The following EPRS1 variants were observed in gnomAD, a reference collection of about 807,000 sequenced individuals.
The protein encoded by EPRS1 is glutamyl-prolyl-tRNA synthetase 1, also known as bifunctional glutamate/proline--tRNA ligase.
Under a neutral mutation model 188.3 loss-of-function variants are expected in EPRS1, and 107 were observed. The observed-to-expected ratio is 0.57, with a 90% CI of 0.49 to 0.67. The LOEUF is 0.67. EPRS1 is among the 30% of genes least tolerant of loss of function. The pLI, the probability that EPRS1 is intolerant of heterozygous loss-of-function variation, is 0.00. For missense variants in EPRS1, 1,577 were observed against 1,802.2 expected (o/e 0.88, Z 2.26); for synonymous variants, 596 against 593.1 (o/e 1.00, Z -0.07).
chr1:219,981,498 T>C, intron 23 of EPRS1, 41 bp from the exon 24 acceptor site: 2 of 1,327,994 alleles, frequency 1.5e-6, no homozygotes, highest in South Asian at 2.7e-5. Flanking sequence ...TTTAAGGCTT[T>C]ATTTCTCCTT....
In EPRS1 at chr1:220,030,292, T is replaced by C. The variant is rs888868401; in HGVS notation, c.623+94A>G. On this transcript the variant is annotated intron_variant, in intron 6 of 31. Coordinates refer to ENST00000366923, the MANE Select transcript of EPRS1 (RefSeq NM_004446.3). ...AATTAAAATCTTATGTTCTTCTATA[T>C]TATTAACCTATTAATACTTTAAGTA... 5.2e-6 allele frequency: 4 copies of C among 774,156 alleles called. No homozygotes were observed. In the African/African-American group the frequency reaches 7.0e-5, roughly 14 times the overall value. 48.0% of individuals were successfully genotyped at this position (774,156 alleles called of 1,614,324 possible). A position where few individuals can be genotyped will look rare whatever the true frequency, so the allele number is the denominator to read the frequency against.
chr1:220,011,038 G>C lies in EPRS1; in HGVS notation c.1513C>G (p.Pro505Ala). The stretch of plus-strand genomic sequence containing the variant: ...TTCTTCAGTAATGCAACATATCGTG[G>C]AGCCACTGGGTCAATAACCTGCAAC... ...FNKKVIDPVA[P>A]RYVALLKKEV... Residue 505 changes from proline to alanine, a missense_variant, in exon 13 of 32, where the codon CCA becomes GCA. Around this residue, in one of 3 missense-constraint regions of EPRS1, gnomAD observed 1,278 missense variants for 1,457.4 expected, o/e 0.88. Coordinates refer to ENST00000366923, the MANE Select transcript of EPRS1 (RefSeq NM_004446.3). 1 of 1,609,636 alleles carries C rather than the reference G, an allele frequency of 6.2e-7. No individual in the cohort carries two copies. The highest frequency in any genetic ancestry group is 8.5e-7 in the Non-Finnish European group (1 of 1,176,036).
Position 220,034,973 on chromosome 1 carries a change from A to G in EPRS1, c.172T>C (p.Leu58=). ...FTDVNSILRY[L]ARVATTAGLY... is the part of the protein sequence containing the mutation. ...CCAGCTGTAGTTGCAACTCTAGCCAAGTAGCGAAGTATAGAATTCACATCT... is the reference window on the plus strand; with the variant it reads ...CCAGCTGTAGTTGCAACTCTAGCCAGGTAGCGAAGTATAGAATTCACATCT... The change falls in exon 3 of 32, where the codon TTG becomes CTG. Residue 58 remains leucine (L), a synonymous_variant. Transcript: ENST00000366923. 6.2e-7 allele frequency: 1 copy of G among 1,601,724 alleles called. No homozygotes were observed. Among genetic ancestry groups the G allele is most frequent in the South Asian group, 1.1e-5 (1 of 89,326 alleles).
intron 31 of EPRS1, 27 bp from the exon 32 acceptor site, chr1:219,968,983 C>T: frequency 6.2e-7 from 1 of 1,613,402 alleles, no homozygotes; most frequent in South Asian, 1.1e-5. Context: ...ATAAGAATTC[C>T]ACTCATTTAT....
chr1:220,025,312 T>C, intron 6 of EPRS1, 54 bp from the exon 7 acceptor site: 3 of 1,415,952 alleles, frequency 2.1e-6, no homozygotes, highest in Non-Finnish European at 2.9e-6. Flanking sequence ...AACTAAATAC[T>C]TAAACTTAAC....
At chr1:219,975,836 A>C (rs1009004567) in intron 28 of EPRS1, among the ~76,000 whole-genome samples, 1 of 85,986 alleles carries the variant, frequency 1.2e-5, no homozygotes, top group African/African-American at 4.1e-5. Context: ...AAGTGTACAC[A>C]TATCTGTATG....
rs1661596147 is a variant in EPRS1, at chr1:220,011,086, A to T, written c.1495-30T>A. On this transcript the variant is annotated intron_variant, in intron 12 of 31. Transcript: ENST00000366923. ...AACAAATACATCCTCATGTTAAAAC[A>T]CTGCGATATCTTATAGAGCGCCATA... 2.4e-6 allele frequency: 3 copies of T among 1,252,512 alleles called. No individual in the cohort carries two copies. The East Asian group carries it at 7.0e-5, about 29-fold the overall frequency. The allele number at this position is 1,252,512 out of a possible 1,614,324, so 77.6% of individuals were successfully genotyped here. A position where few individuals can be genotyped will look rare whatever the true frequency, so the allele number is the denominator to read the frequency against.
At chr1:219,969,367 T>G (rs1571824689) in intron 30 of EPRS1, 1 of 467,608 alleles carries the variant, frequency 2.1e-6, no homozygotes, top group Middle Eastern at 5.8e-4. Context: ...AAGACATCTT[T>G]GCAGTACCCT....
intron 28 of EPRS1, among the ~76,000 whole-genome samples, chr1:219,974,382 G>C (rs574128357): frequency 6.3e-4 from 96 of 152,254 alleles, no homozygotes; most frequent in African/African-American, 2.3e-3. Flanking sequence ...TTTACGACTT[G>C]GGAATGTTCA....
In EPRS1 at chr1:219,987,374, G is replaced by A. The variant is rs1051540339; in HGVS notation, c.2806C>T (p.Leu936Phe). ...DQVDIAVQEL[L>F]QLKAQYKSLI... is the part of the protein sequence containing the mutation. ...GACTTGTACTGTGCCTTTAGCTGAA[G>A]GAGTTCTTGAACAGCTATATCTACT... Residue 936 changes from leucine (L) to phenylalanine (F), a missense_variant, in exon 20 of 32, where the codon CTT (leucine) becomes TTT (phenylalanine). This residue lies in a region of EPRS1 where 1,278 missense variants were observed against 1,457.4 expected (regional missense o/e 0.88). Coordinates refer to ENST00000366923, the MANE Select transcript of EPRS1 (RefSeq NM_004446.3). The A allele has an allele frequency of 1.2e-6, 2 of 1,610,822 alleles. No individual in the cohort carries two copies. Among genetic ancestry groups the A allele is most frequent in the Non-Finnish European group, 1.7e-6 (2 of 1,179,044 alleles).
chr1:219,995,914 C>T (rs138810864), intron 18 of EPRS1, among the ~76,000 whole-genome samples: 1 of 152,290 alleles, frequency 6.6e-6, no homozygotes, highest in African/African-American at 2.4e-5. Context: ...CATTTTAGAA[C>T]AAATCCCCTT....
chr1:220,034,963 A>G lies in EPRS1; in HGVS notation c.182T>C (p.Val61Ala), dbSNP rs201529225. The G allele has an allele frequency of 1.3e-5, 21 of 1,604,304 alleles. No homozygotes were observed. Among genetic ancestry groups the G allele is most frequent in the Non-Finnish European group, 1.4e-5 (16 of 1,174,968 alleles). ...VNSILRYLAR[V>A]ATTAGLYGSN... Reference sequence around the variant, plus strand: ...GCCATATAACCCAGCTGTAGTTGCAACTCTAGCCAAGTAGCGAAGTATAGA... The same window carrying G: ...GCCATATAACCCAGCTGTAGTTGCAGCTCTAGCCAAGTAGCGAAGTATAGA... Residue 61 changes from valine to alanine, a missense_variant, in exon 3 of 32, where the codon GTT becomes GCT. This residue lies in a region of EPRS1 where 1,278 missense variants were observed against 1,457.4 expected (regional missense o/e 0.88). Coordinates refer to ENST00000366923, the MANE Select transcript of EPRS1 (RefSeq NM_004446.3).
At chr1:220,030,165 A>G (rs1471217206) in intron 6 of EPRS1, among the ~76,000 whole-genome samples, 4 of 152,210 alleles carry the variant, frequency 2.6e-5, no homozygotes, top group African/African-American at 9.6e-5. Context: ...TAAAACTAAA[A>G]TGTCTCTTTT....
chr1:220,014,079 G>A (rs6703042), intron 12 of EPRS1, among the ~76,000 whole-genome samples: 122,054 of 152,158 alleles, frequency 0.8, 49,116 homozygotes, highest in East Asian at 0.93. Context: ...TGTAATCCCA[G>A]CACTTTGGTA....
In EPRS1 at chr1:219,988,737, C is replaced by A; in HGVS notation, c.2628G>T (p.Gln876His). The change falls in exon 19 of 32, where the codon CAG (glutamine) becomes CAT (histidine). Residue 876 changes from glutamine (Q) to histidine (H), a missense_variant. This residue lies in a region of EPRS1 where 1,278 missense variants were observed against 1,457.4 expected (regional missense o/e 0.88). Coordinates refer to ENST00000366923, the MANE Select transcript of EPRS1 (RefSeq NM_004446.3). ...AATCCGAACTTTGAGATAATGGGGGCTGACCAGGTATGTACTCCTTCCCAG... is the reference window on the plus strand; with the variant it reads ...AATCCGAACTTTGAGATAATGGGGGATGACCAGGTATGTACTCCTTCCCAG... ...EKTGKEYIPG[Q>H]PPLSQSSDSS... The A allele has an allele frequency of 6.2e-7, 1 of 1,613,810 alleles. No individual in the cohort carries two copies. Among genetic ancestry groups the A allele is most frequent in the Non-Finnish European group, 8.5e-7 (1 of 1,179,766 alleles).
intron 30 of EPRS1, among the ~76,000 whole-genome samples, chr1:219,970,670 T>A (rs1660647804): frequency 1.3e-5 from 2 of 150,580 alleles, no homozygotes; most frequent in South Asian, 4.2e-4. Flanking sequence ...CCCAGCCACG[T>A]GGAAGGCTGA....
At chr1:220,013,530 G>T (rs79134342) in intron 12 of EPRS1, among the ~76,000 whole-genome samples, 2,322 of 151,760 alleles carry the variant, frequency 0.015, 49 homozygotes, top group African/African-American at 0.046. Flanking sequence ...AAAAAAAAAT[G>T]CTAAGTTAGT....
chr1:219,995,683 T>C (rs544385342), intron 18 of EPRS1, among the ~76,000 whole-genome samples: 1 of 152,326 alleles, frequency 6.6e-6, no homozygotes, highest in South Asian at 2.1e-4. Flanking sequence ...CAATTACTTT[T>C]GCACTGACCT....
intron 9 of EPRS1, among the ~76,000 whole-genome samples, chr1:220,021,809 C>T (rs999934751): frequency 8.6e-5 from 13 of 151,884 alleles, no homozygotes; most frequent in African/African-American, 2.7e-4. Context: ...ATGTGTAGTA[C>T]GCTTCTTCAA....
Sources: gnomAD v4.1 joint callset for allele counts (sites outside exome capture counted in the v4.1 genomes callset) on GRCh38, gnomAD v4.1.1 for gene constraint, gnomAD v4.1.1 regional missense constraint, MANE v1.5 for transcripts, NCBI Gene and HGNC (gene_info 2026-07-23, HGNC 2026-07-21) for gene names.